The following DYNC2H1 variants were observed in gnomAD, a reference collection of about 807,000 sequenced individuals.
DYNC2H1 encodes dynein cytoplasmic 2 heavy chain 1, also known as cytoplasmic dynein 2 heavy chain 1.
DYNC2H1 carries 410 observed loss-of-function variants against 570.0 expected under a neutral mutation model. The ratio of observed to expected loss-of-function variants is 0.72; its 90% CI spans 0.66 to 0.78. DYNC2H1 has a LOEUF of 0.78. Ranked by LOEUF, DYNC2H1 falls within the 30% of genes least tolerant of loss-of-function variation. The pLI is 0.00. For synonymous variants in DYNC2H1, 1,688 were observed against 1,677.6 expected (o/e 1.01, Z -0.15); for missense variants, 4,865 against 5,046.4 (o/e 0.96, Z 1.09).
In DYNC2H1 at chr11:103,165,957, T is replaced by G; in HGVS notation, c.4671T>G (p.Asp1557Glu). ...AAGATGTAGAAAATGCTATTAAAGA[T>G]CATAGTCTTCATCAGATTGAAACAC... is the stretch of plus-strand genomic sequence containing the variant. ...FTEDVENAIK[D>E]HSLHQIETQL... The change falls in exon 31 of 89, where the codon GAT becomes GAG. Residue 1557 changes from aspartate to glutamate, a missense_variant. Coordinates refer to ENST00000375735, the MANE Select transcript of DYNC2H1 (RefSeq NM_001377.3). The G allele has an allele frequency of 6.6e-7, 1 of 1,518,982 alleles. No individual in the cohort carries two copies. Among genetic ancestry groups the G allele is most frequent in the South Asian group, 1.3e-5 (1 of 75,902 alleles). 94.1% of individuals were successfully genotyped at this position (1,518,982 alleles called of 1,614,324 possible).
intron 82 of DYNC2H1, among the ~76,000 whole-genome samples, chr11:103,337,787 C>G (rs979193147): frequency 3.9e-5 from 6 of 152,144 alleles, no homozygotes; most frequent in Admixed American, 6.5e-5. Flanking sequence ...TCATTAATCT[C>G]TTGTCAGTTG....
chr11:103,351,653 T>G (rs1591618563), intron 82 of DYNC2H1, among the ~76,000 whole-genome samples: 2 of 152,230 alleles, frequency 1.3e-5, no homozygotes, highest in East Asian at 3.8e-4. Context: ...GAACCATATA[T>G]TCAGTGTCAT....
chr11:103,113,590 T>G lies in DYNC2H1; in HGVS notation c.249T>G (p.Pro83=), dbSNP rs1046869239. The change falls in exon 2 of 89, where the codon CCT becomes CCG. Residue 83 remains proline (P), a synonymous_variant. Coordinates refer to ENST00000375735, the MANE Select transcript of DYNC2H1 (RefSeq NM_001377.3). ...DKVLVFFKLR[P]EVITDENLHD... is the part of the protein sequence containing the mutation. ...TGCTGGTGTTTTTCAAGCTGCGACC[T>G]GAAGTAATTACTGATGAGAATCTAC... 3.2e-6 allele frequency: 5 copies of G among 1,579,430 alleles called. No individual in the cohort carries two copies. Among genetic ancestry groups the G allele is most frequent in the Non-Finnish European group, 4.3e-6 (5 of 1,167,402 alleles).
intron 77 of DYNC2H1, among the ~76,000 whole-genome samples, chr11:103,306,215 A>ATAAATCATG (rs1867278284): frequency 1.3e-5 from 2 of 152,180 alleles, no homozygotes; most frequent in South Asian, 4.1e-4. Flanking sequence ...GCCTAGCCTG[A>ATAAATCATG]TAAATCATGT....
chr11:103,327,114 C>T (rs1234531816), intron 82 of DYNC2H1, among the ~76,000 whole-genome samples: 1 of 152,098 alleles, frequency 6.6e-6, no homozygotes, highest in Admixed American at 6.5e-5. Flanking sequence ...TTAAGGCACA[C>T]AGGGTTCCAG....
At chr11:103,464,355 A>G (rs1945125682) in intron 87 of DYNC2H1, among the ~76,000 whole-genome samples, 1 of 152,188 alleles carries the variant, frequency 6.6e-6, no homozygotes, top group Admixed American at 6.5e-5. Flanking sequence ...TGGTTATGTT[A>G]TGAGACAAAA....
chr11:103,125,440 A>G, intron 12 of DYNC2H1, 145 bp downstream of exon 12: 1 of 586,474 alleles, frequency 1.7e-6, no homozygotes, highest in Non-Finnish European at 2.7e-6. Flanking sequence ...AAATGAGTCC[A>G]TTACAAAATT....
At chr11:103,197,009 T>C (rs535833943) in intron 47 of DYNC2H1, among the ~76,000 whole-genome samples, 11 of 151,764 alleles carry the variant, frequency 7.2e-5, no homozygotes, top group African/African-American at 2.7e-4. Context: ...CCCAGAAGAG[T>C]TGGGAAGGAA....
chr11:103,318,342 C>T (rs1182589209), intron 80 of DYNC2H1, among the ~76,000 whole-genome samples: 1 of 152,100 alleles, frequency 6.6e-6, no homozygotes, highest in Non-Finnish European at 1.5e-5. Flanking sequence ...GAGGTAGACA[C>T]CAGACACCTA....
intron 59 of DYNC2H1, among the ~76,000 whole-genome samples, chr11:103,227,735 T>G (rs551471777): frequency 1.6e-4 from 25 of 152,350 alleles, no homozygotes; most frequent in African/African-American, 6.0e-4. Context: ...ATTATTTCTT[T>G]GTTGACTTTC....
rs1357492436 is a variant in DYNC2H1 at position 103,203,096 on chromosome 11, C to T, written c.8198-567C>T. 2.6e-5 allele frequency among the ~76,000 whole-genome samples: 4 copies of T among 151,988 alleles called. No homozygotes were observed. The highest frequency in any genetic ancestry group is 4.8e-5 in the African/African-American group (2 of 41,356). On this transcript the variant is annotated intron_variant, in intron 50 of 88. Coordinates refer to ENST00000375735, the MANE Select transcript of DYNC2H1 (RefSeq NM_001377.3). This position sits in a 1 kb window ranked among gnomAD's most constrained non-coding sequence, Gnocchi z 4.7. ...TCTAGGGTTAAATGTTGAACATTGT[C>T]AAATATTTGTCCTCAGAAATTTAAA...
intron 83 of DYNC2H1, among the ~76,000 whole-genome samples, chr11:103,382,052 G>T (rs1941670924): frequency 6.6e-6 from 1 of 152,096 alleles, no homozygotes; most frequent in Non-Finnish European, 1.5e-5. Flanking sequence ...CTACATGTAT[G>T]CCTCTGAAAG....
chr11:103,174,059 C>T lies in DYNC2H1; in HGVS notation c.5563C>T (p.Leu1855Phe). The change falls in exon 36 of 89, where the codon CTT becomes TTT. Residue 1855 changes from leucine (L) to phenylalanine (F), a missense_variant. By Grantham distance (22) the Leu-to-Phe change is conservative (BLOSUM62 0). Coordinates refer to ENST00000375735, the MANE Select transcript of DYNC2H1 (RefSeq NM_001377.3). Reference protein sequence around the residue: ...LVAIFNLSRELLTPQQHYDWG... With the variant: ...LVAIFNLSREFLTPQQHYDWG... Reference sequence around the variant, plus strand: ...ATTTCCATGTCTCTATTTCAGGGAACTTTTGACACCTCAGCAACATTATGA... The same window carrying T: ...ATTTCCATGTCTCTATTTCAGGGAATTTTTGACACCTCAGCAACATTATGA... 1.9e-6 allele frequency: 3 copies of T among 1,578,302 alleles called. No homozygotes were observed. Among genetic ancestry groups the T allele is most frequent in the Admixed American group, 1.8e-5 (1 of 55,024 alleles).
chr11:103,134,446 T>A, intron 15 of DYNC2H1, 27 bp downstream of exon 15: 1 of 1,551,248 alleles, frequency 6.4e-7, no homozygotes. Context: ...TTTGTGTGTA[T>A]ACTTTGAAAT....
At position 103,465,350 on chromosome 11, in the gene DYNC2H1, G is replaced by A. The variant is rs1945163527; in HGVS notation, c.12649-3239G>A. 6.6e-6 allele frequency among the ~76,000 whole-genome samples: 1 copy of A among 152,044 alleles called. No homozygotes were observed. The highest frequency in any genetic ancestry group is 2.1e-4 in the South Asian group (1 of 4,820). ...GAAAGAAGAACTTAATGGTGAAAAT[G>A]TCCTGTTTACATATCACAAGAGTAA... On this transcript the variant is annotated intron_variant, in intron 87 of 88. Coordinates refer to ENST00000375735, the MANE Select transcript of DYNC2H1 (RefSeq NM_001377.3). The surrounding 1 kb of genome is among the most constrained non-coding windows in gnomAD (Gnocchi z 4.9).
chr11:103,166,010 C>T lies in DYNC2H1; in HGVS notation c.4724C>T (p.Thr1575Ile). ...CTGGTGAATAAGTTAGAGCAATATA[C>T]TAACATTGATACAAGTTCTGAGGAT... ...TQLVNKLEQY[T>I]NIDTSSEDPG... The change falls in exon 31 of 89, where the codon ACT becomes ATT. Residue 1575 changes from threonine (T) to isoleucine (I), a missense_variant. Thr to Ile is a moderately conservative substitution (Grantham distance 89). Transcript: ENST00000375735. 1 of 1,533,998 alleles carries T rather than the reference C, an allele frequency of 6.5e-7. No individual in the cohort carries two copies. Among genetic ancestry groups the T allele is most frequent in the Non-Finnish European group, 8.8e-7 (1 of 1,139,030 alleles).
intron 87 of DYNC2H1, among the ~76,000 whole-genome samples, chr11:103,457,212 ATAATACT>A (rs1944817580): frequency 6.6e-6 from 1 of 152,254 alleles, no homozygotes; most frequent in Non-Finnish European, 1.5e-5. Flanking sequence ...TGTATAGTAC[ATAATACT>A]TGATAACCGT....
At chr11:103,318,051 A>T (rs1056490569) in intron 80 of DYNC2H1, among the ~76,000 whole-genome samples, 1 of 152,114 alleles carries the variant, frequency 6.6e-6, no homozygotes, top group African/African-American at 2.4e-5. Flanking sequence ...AATTTTTTCT[A>T]TAACTTGTCT....
intron 44 of DYNC2H1, among the ~76,000 whole-genome samples, chr11:103,188,918 G>C (rs928077278): frequency 6.6e-6 from 1 of 151,948 alleles, no homozygotes; most frequent in Non-Finnish European, 1.5e-5. Context: ...TCAATCTCAG[G>C]AGTCTGAATG....
Sources: allele counts gnomAD v4.1 joint callset (sites outside exome capture counted in the v4.1 genomes callset), GRCh38; gene constraint gnomAD v4.1.1; non-coding constraint Gnocchi (gnomAD v3.1); transcripts MANE v1.5; gene names NCBI Gene and HGNC (gene_info 2026-07-23, HGNC 2026-07-21).